The following CSTPP1 variants were observed in gnomAD, a reference collection of about 807,000 sequenced individuals.
CSTPP1 encodes the protein centriolar satellite-associated tubulin polyglutamylase complex regulator 1.
the CSTPP1 span, among the ~76,000 whole-genome samples, chr11:47,046,700 T>C: frequency 8.7e-6 from 1 of 115,066 alleles, no homozygotes; most frequent in Non-Finnish European, 1.7e-5. Context: ...AGAGTCTCAC[T>C]CTGCCACCCA....
chr11:46,943,863 A>G, the CSTPP1 span, among the ~76,000 whole-genome samples: 38 of 149,464 alleles, frequency 2.5e-4, no homozygotes, highest in Admixed American at 2.5e-3. Flanking sequence ...TACTAAAAAT[A>G]AAAAAAAAAT....
chr11:47,117,904 C>T, the CSTPP1 span, among the ~76,000 whole-genome samples: 1 of 102,672 alleles, frequency 9.7e-6, no homozygotes, highest in Non-Finnish European at 1.8e-5. Context: ...TTTTTTGAGA[C>T]AGTCTCACTG....
the CSTPP1 span, among the ~76,000 whole-genome samples, chr11:46,959,935 C>T: frequency 2.8e-5 from 4 of 141,262 alleles, no homozygotes; most frequent in South Asian, 2.2e-4. Flanking sequence ...GGTGCGATTT[C>T]GGCTCACTGC....
chr11:46,958,525 G>C, the CSTPP1 span, among the ~76,000 whole-genome samples: 57 of 152,126 alleles, frequency 3.7e-4, no homozygotes, highest in African/African-American at 1.3e-3. Flanking sequence ...GTCCAGGCTG[G>C]TCTTGAACTC....
the CSTPP1 span, among the ~76,000 whole-genome samples, chr11:47,084,849 G>C: frequency 6.6e-6 from 1 of 152,004 alleles, no homozygotes; most frequent in Non-Finnish European, 1.5e-5. Flanking sequence ...AGAATAAACT[G>C]GTTCATTTCT....
the CSTPP1 span, among the ~76,000 whole-genome samples, chr11:47,147,845 G>A: frequency 6.6e-6 from 1 of 152,296 alleles, no homozygotes; most frequent in African/African-American, 2.4e-5. Context: ...GGATTAATAC[G>A]AGCAGAAAAT....
At chr11:46,963,787 A>AG in the CSTPP1 span, among the ~76,000 whole-genome samples, 1 of 150,086 alleles carries the variant, frequency 6.7e-6, no homozygotes, top group African/African-American at 2.4e-5. Flanking sequence ...TCTGTATCAA[A>AG]AAAAAAAAAA....
the CSTPP1 span, among the ~76,000 whole-genome samples, chr11:46,977,547 G>T: frequency 2.0e-5 from 3 of 152,074 alleles, no homozygotes; most frequent in African/African-American, 7.2e-5. Context: ...TTCTTAAAGA[G>T]TTCATCTGCT....
At chr11:47,073,363 G>C in the CSTPP1 span, among the ~76,000 whole-genome samples, 1 of 152,088 alleles carries the variant, frequency 6.6e-6, no homozygotes, top group Non-Finnish European at 1.5e-5. Flanking sequence ...ATCAGGAAGA[G>C]GAGAGGAAGC....
chr11:47,159,536 G>A, the CSTPP1 span: 5 of 423,272 alleles, frequency 1.2e-5, no homozygotes, highest in African/African-American at 4.2e-5. Context: ...AAAAACAGGC[G>A]AGAGTCAGGA....
At chr11:46,964,265 T>G in the CSTPP1 span, among the ~76,000 whole-genome samples, 1 of 151,606 alleles carries the variant, frequency 6.6e-6, no homozygotes, top group African/African-American at 2.4e-5. Flanking sequence ...GTTCCAGAAT[T>G]CACAGTGTCT....
the CSTPP1 span, among the ~76,000 whole-genome samples, chr11:46,954,592 G>T: frequency 6.6e-6 from 1 of 151,960 alleles, no homozygotes; most frequent in East Asian, 1.9e-4. Context: ...AAAAAGAAGA[G>T]GGAGAATCCA....
the CSTPP1 span, among the ~76,000 whole-genome samples, chr11:47,026,065 G>T: frequency 6.6e-6 from 1 of 152,174 alleles, no homozygotes; most frequent in Admixed American, 6.5e-5. Context: ...AGTAGCAGAA[G>T]AAAATAGTAC....
chr11:47,009,365 TATC>T, the CSTPP1 span, among the ~76,000 whole-genome samples: 1 of 152,290 alleles, frequency 6.6e-6, no homozygotes, highest in East Asian at 1.9e-4. Flanking sequence ...AAGTAGAAAA[TATC>T]ATACACTGCA....
At chr11:47,086,262 T>G in the CSTPP1 span, among the ~76,000 whole-genome samples, 1 of 122,168 alleles carries the variant, frequency 8.2e-6, no homozygotes. Flanking sequence ...AAAAAATAGC[T>G]GGCTGTGGTA....
the CSTPP1 span, among the ~76,000 whole-genome samples, chr11:47,081,093 A>G: frequency 6.6e-6 from 1 of 152,166 alleles, no homozygotes. Context: ...GGAAACAAAA[A>G]AAAGACTTGG....
chr11:46,952,532 G>A, the CSTPP1 span, among the ~76,000 whole-genome samples: 1 of 152,206 alleles, frequency 6.6e-6, no homozygotes, highest in African/African-American at 2.4e-5. Context: ...CTCAAGGCAA[G>A]TTGTATTGTT....
chr11:47,161,322 T>C, the CSTPP1 span: 3 of 1,590,896 alleles, frequency 1.9e-6, no homozygotes, highest in Non-Finnish European at 2.6e-6. Context: ...TGGGGGCCAG[T>C]GGAGGCCTGA....
chr11:46,958,008 T>C, the CSTPP1 span, among the ~76,000 whole-genome samples: 2 of 152,182 alleles, frequency 1.3e-5, no homozygotes, highest in African/African-American at 4.8e-5. Flanking sequence ...AGATTTTCTT[T>C]GCCACCTCTG....
Sources: gnomAD v4.1 joint callset for allele counts (sites outside exome capture counted in the v4.1 genomes callset) on GRCh38, gnomAD v4.1.1 for gene constraint, MANE v1.5 for transcripts, NCBI Gene and HGNC (gene_info 2026-07-23, HGNC 2026-07-21) for gene names.